PDS5A: variants seen among roughly 807,000 people sequenced by gnomAD.
PDS5A encodes the protein PDS5 cohesin associated factor A, also known as sister chromatid cohesion protein PDS5 homolog A.
PDS5A carries 42 observed loss-of-function variants against 167.1 expected under a neutral mutation model. The ratio of observed to expected loss-of-function variants is 0.25; its 90% CI spans 0.20 to 0.33. The LOEUF (loss-of-function observed/expected upper bound fraction) is 0.33. PDS5A is among the 10% of genes least tolerant of loss of function. PDS5A has a pLI of 1.00. For synonymous variants in PDS5A, 553 were observed against 554.6 expected (o/e 1.00, Z 0.04); for missense variants, 1,033 against 1,605.9 (o/e 0.64, Z 6.10).
Position 39,976,479 on chromosome 4 carries a change from G to C in PDS5A, c.99C>G (p.Thr33=), listed in dbSNP as rs1230251925. 6.2e-7 allele frequency: 1 copy of C among 1,613,320 alleles called. No individual in the cohort carries two copies. The highest frequency in any genetic ancestry group is 1.1e-5 in the South Asian group (1 of 91,052). Reference sequence around the variant, plus strand: ...TCATCTCGTCCGTGGTGATCTTGTCGGTGATCTCTTTTACCCCCGGAGGGT... The same window carrying C: ...TCATCTCGTCCGTGGTGATCTTGTCCGTGATCTCTTTTACCCCCGGAGGGT... ...IAYPPGVKEI[T]DKITTDEMIK... is the part of the protein sequence containing the mutation. The change falls in exon 2 of 33, where the codon ACC becomes ACG. Residue 33 remains threonine (T), a synonymous_variant. Transcript: ENST00000303538.
Position 39,838,108 on chromosome 4 carries a change from GT to G in PDS5A, c.3757del (p.Thr1253GlnfsTer5). 1 of 1,613,800 alleles carries G rather than the reference GT, an allele frequency of 6.2e-7. No individual in the cohort carries two copies. Among genetic ancestry groups the G allele is most frequent in the South Asian group, 1.1e-5 (1 of 91,044 alleles). On this transcript the variant is annotated frameshift_variant, in exon 32 of 33. Coordinates refer to ENST00000303538, the MANE Select transcript of PDS5A (RefSeq NM_001100399.2). LOFTEE classifies it high-confidence loss of function. ...AAGAENIQQK[T>X]DEKVDESGPP... The stretch of plus-strand genomic sequence containing the variant: ...TCCCGATTCATCTACTTTCTCATCT[GT>G]TTTTTGTTGGATATTCTCTGCACCA...
chr4:39,910,478 GA>G, intron 9 of PDS5A, 140 bp from the exon 10 acceptor site: 1 of 571,850 alleles, frequency 1.7e-6, no homozygotes, highest in South Asian at 2.3e-5. Flanking sequence ...TATTCTGAAG[GA>G]AGAATATAAA....
chr4:39,876,777 A>T (rs754460778), intron 19 of PDS5A, among the ~76,000 whole-genome samples: 1 of 152,224 alleles, frequency 6.6e-6, no homozygotes, highest in African/African-American at 2.4e-5. Context: ...ATAAACAAAC[A>T]TGTAGTTTCA....
At chr4:39,839,526 G>A (rs758221657) in intron 31 of PDS5A, among the ~76,000 whole-genome samples, 10 of 151,830 alleles carry the variant, frequency 6.6e-5, no homozygotes, top group South Asian at 2.1e-4. Flanking sequence ...CCGAGATCGC[G>A]CCACTGCACT....
At chr4:39,915,608 C>A (rs1197087791) in intron 8 of PDS5A, among the ~76,000 whole-genome samples, 1 of 152,032 alleles carries the variant, frequency 6.6e-6, no homozygotes, top group Non-Finnish European at 1.5e-5. Flanking sequence ...GATCTGCCTG[C>A]CTCCACCTCC....
chr4:39,856,353 T>A (rs906964014), intron 26 of PDS5A, among the ~76,000 whole-genome samples: 1 of 152,130 alleles, frequency 6.6e-6, no homozygotes, highest in African/African-American at 2.4e-5. Flanking sequence ...ACCTGTCTTA[T>A]GAGAAATGCT....
intron 2 of PDS5A, among the ~76,000 whole-genome samples, chr4:39,972,385 T>C (rs1730634854): frequency 1.3e-5 from 2 of 152,250 alleles, no homozygotes; most frequent in South Asian, 4.1e-4. Flanking sequence ...CTGGGCATAG[T>C]GGCACGCACC....
intron 2 of PDS5A, among the ~76,000 whole-genome samples, chr4:39,955,587 C>T (rs1257389239): frequency 2.6e-5 from 4 of 151,516 alleles, no homozygotes; most frequent in Admixed American, 6.6e-5. Flanking sequence ...GGTGACAGAG[C>T]GAGACTCTGT....
At chr4:39,936,147 C>T (rs549049123) in intron 2 of PDS5A, among the ~76,000 whole-genome samples, 70 of 152,266 alleles carry the variant, frequency 4.6e-4, no homozygotes, top group Middle Eastern at 3.4e-3. Context: ...GGTTTCAATG[C>T]TGTGTATGTA....
chr4:39,841,091 A>G (rs1209692261), intron 31 of PDS5A, among the ~76,000 whole-genome samples: 1 of 152,084 alleles, frequency 6.6e-6, no homozygotes, highest in Non-Finnish European at 1.5e-5. Context: ...AAACAAAGCA[A>G]AGGGCTGATC....
intron 2 of PDS5A, among the ~76,000 whole-genome samples, chr4:39,946,172 A>G (rs1727739079): frequency 6.7e-6 from 1 of 149,952 alleles, no homozygotes; most frequent in Non-Finnish European, 1.5e-5. Flanking sequence ...ACATCACTGC[A>G]CTCAAACCTG....
At chr4:39,902,522 A>ATTTTTTT (rs199900186) in intron 12 of PDS5A, 62 bp from the exon 13 acceptor site, 1 of 597,320 alleles carries the variant, frequency 1.7e-6, no homozygotes, top group Non-Finnish European at 2.8e-6. Flanking sequence ...TTAAGAAGCA[A>ATTTTTTT]TTTTTTTTTT....
chr4:39,956,355 T>C (rs1728924463), intron 2 of PDS5A, among the ~76,000 whole-genome samples: 1 of 151,434 alleles, frequency 6.6e-6, no homozygotes, highest in African/African-American at 2.4e-5. Flanking sequence ...TAGCCAGGTA[T>C]GGTGGCTCAT....
intron 32 of PDS5A, among the ~76,000 whole-genome samples, chr4:39,833,126 G>A (rs1716061742): frequency 7.1e-6 from 1 of 140,606 alleles, no homozygotes; most frequent in Non-Finnish European, 1.5e-5. Context: ...AGGAGGCAGA[G>A]GTTGCAGTGA....
intron 11 of PDS5A, among the ~76,000 whole-genome samples, chr4:39,904,734 G>A (rs1366030539): frequency 6.6e-6 from 1 of 152,156 alleles, no homozygotes; most frequent in Admixed American, 6.5e-5. Flanking sequence ...TCGTTACGTT[G>A]CCTAGGCTGG....
chr4:39,825,735 G>C (rs1207050266), intron 32 of PDS5A, among the ~76,000 whole-genome samples: 2 of 151,942 alleles, frequency 1.3e-5, no homozygotes, highest in African/African-American at 4.8e-5. Flanking sequence ...CAAATAGCTA[G>C]AACTATAGGC....
chr4:39,944,709 A>C (rs904991392), intron 2 of PDS5A, among the ~76,000 whole-genome samples: 1 of 151,744 alleles, frequency 6.6e-6, no homozygotes, highest in African/African-American at 2.4e-5. Context: ...AAAAAAAAAA[A>C]AACAAAAAGC....
At chr4:39,845,770 C>T in intron 29 of PDS5A, 48 bp downstream of exon 29, 1 of 1,357,568 alleles carries the variant, frequency 7.4e-7, no homozygotes, top group Non-Finnish European at 9.6e-7. Flanking sequence ...ATAGCAGAAG[C>T]AAGATACACA....
intron 16 of PDS5A, among the ~76,000 whole-genome samples, chr4:39,896,893 C>T (rs1422523994): frequency 6.6e-6 from 1 of 150,614 alleles, no homozygotes. Context: ...TCCTTCAGTT[C>T]CGTTATAATC....
Sources: gnomAD v4.1 joint callset for allele counts (sites outside exome capture counted in the v4.1 genomes callset) on GRCh38, gnomAD v4.1.1 for gene constraint, MANE v1.5 for transcripts, NCBI Gene and HGNC (gene_info 2026-07-23, HGNC 2026-07-21) for gene names.